PRKCB: variants seen among roughly 807,000 people sequenced by gnomAD.
PRKCB encodes the protein protein kinase C beta type.
Under a neutral mutation model 81.5 loss-of-function variants are expected in PRKCB, and 13 were observed. That is an observed-to-expected ratio of 0.16 (90% CI 0.10 to 0.25). The LOEUF (loss-of-function observed/expected upper bound fraction) is 0.25, where lower values mean the gene tolerates loss of function less well. Ranked by LOEUF, PRKCB falls within the 10% of genes least tolerant of loss-of-function variation. PRKCB has a pLI of 1.00. For synonymous variants in PRKCB, 335 were observed against 321.4 expected (o/e 1.04, Z -0.45); for missense variants, 509 against 875.7 (o/e 0.58, Z 5.29).
Position 24,170,205 on chromosome 16 carries a change from T to A in PRKCB, c.1240-2065T>A, listed in dbSNP as rs147159635. 2.0e-4 allele frequency among the ~76,000 whole-genome samples: 31 copies of A among 152,304 alleles called. No individual in the cohort carries two copies. In the East Asian group the frequency reaches 5.2e-3, roughly 26 times the overall value. On this transcript the variant is annotated intron_variant, in intron 10 of 16. Transcript: ENST00000643927. ...GTTGGTTTTGTTCACTGCTCTATCC[T>A]CAGCACCCATCTATAACCTGGTACC...
At chr16:23,987,682 C>A (rs1047177018) in intron 2 of PRKCB, among the ~76,000 whole-genome samples, 2 of 152,082 alleles carry the variant, frequency 1.3e-5, no homozygotes, top group African/African-American at 2.4e-5. Flanking sequence ...ACTAAGCATG[C>A]ACTTTAGAAA....
intron 3 of PRKCB, among the ~76,000 whole-genome samples, chr16:24,009,602 T>A (rs533786769): frequency 3.1e-4 from 47 of 150,968 alleles, no homozygotes; most frequent in South Asian, 1.1e-3. Flanking sequence ...TTTTTTTTTT[T>A]AAAAAAGACA....
At chr16:23,895,570 T>C (rs756467019) in intron 2 of PRKCB, among the ~76,000 whole-genome samples, 4 of 152,226 alleles carry the variant, frequency 2.6e-5, no homozygotes, top group Admixed American at 6.5e-5. Flanking sequence ...AATTTTGTTT[T>C]GTACATTTCT....
intron 5 of PRKCB, among the ~76,000 whole-genome samples, chr16:24,049,077 T>TTTTTTTTCTC (rs1965804896): frequency 9.0e-6 from 1 of 111,088 alleles, no homozygotes; most frequent in Non-Finnish European, 1.9e-5. Context: ...TTTTTTTTTT[T>TTTTTTTTCTC]GCAGAAAGAC....
intron 7 of PRKCB, among the ~76,000 whole-genome samples, chr16:24,112,056 C>T (rs558420362): frequency 2.0e-5 from 3 of 152,258 alleles, no homozygotes; most frequent in African/African-American, 7.2e-5. Context: ...AGGGCTTGTG[C>T]GCTTAACCAC....
intron 7 of PRKCB, among the ~76,000 whole-genome samples, chr16:24,106,863 A>G (rs1966584830): frequency 6.6e-6 from 1 of 152,170 alleles, no homozygotes; most frequent in South Asian, 2.1e-4. Context: ...GACTTGTAAG[A>G]ACTTTTTATA....
At chr16:24,098,718 C>A (rs961286852) in intron 7 of PRKCB, 4 of 152,336 alleles carry the variant, frequency 2.6e-5, no homozygotes, top group South Asian at 4.1e-4. Context: ...CCACGGCACT[C>A]CAGCCTGGGC....
chr16:23,924,992 G>A (rs1963876731), intron 2 of PRKCB, among the ~76,000 whole-genome samples: 1 of 151,968 alleles, frequency 6.6e-6, no homozygotes, highest in Non-Finnish European at 1.5e-5. Context: ...TTACGGACTG[G>A]GACCAAGTGG....
chr16:23,928,073 G>A (rs895855981), intron 2 of PRKCB, among the ~76,000 whole-genome samples: 1 of 151,974 alleles, frequency 6.6e-6, no homozygotes, highest in Non-Finnish European at 1.5e-5. Context: ...AAATACTCTT[G>A]AAATATATAG....
intron 2 of PRKCB, among the ~76,000 whole-genome samples, chr16:23,847,109 T>C: frequency 6.6e-6 from 1 of 152,140 alleles, no homozygotes; most frequent in Non-Finnish European, 1.5e-5. Flanking sequence ...TGCAACACCA[T>C]TAGTTCAACC....
At chr16:24,114,464 G>C (rs956791537) in intron 8 of PRKCB, among the ~76,000 whole-genome samples, 3 of 151,218 alleles carry the variant, frequency 2.0e-5, no homozygotes, top group Non-Finnish European at 3.0e-5. Flanking sequence ...TTTATCAAAT[G>C]GAAAGCCCTT....
At chr16:24,124,675 T>C (rs989536420) in intron 9 of PRKCB, among the ~76,000 whole-genome samples, 9 of 152,304 alleles carry the variant, frequency 5.9e-5, no homozygotes, top group Admixed American at 2.0e-4. Flanking sequence ...TTCTGACTCA[T>C]TTAGTGTTGT....
chr16:23,871,545 C>G (rs1962904017), intron 2 of PRKCB, among the ~76,000 whole-genome samples: 1 of 152,106 alleles, frequency 6.6e-6, no homozygotes, highest in Non-Finnish European at 1.5e-5. Context: ...ACTACCCTTC[C>G]AGCATTCTCT....
intron 2 of PRKCB, among the ~76,000 whole-genome samples, chr16:23,895,748 T>C (rs1963368543): frequency 1.3e-5 from 2 of 152,238 alleles, no homozygotes; most frequent in South Asian, 4.1e-4. Context: ...TTATTTTTAA[T>C]ACTTAAATTA....
At chr16:24,106,926 C>T (rs1966585856) in intron 7 of PRKCB, among the ~76,000 whole-genome samples, 2 of 151,012 alleles carry the variant, frequency 1.3e-5, no homozygotes, top group Non-Finnish European at 3.0e-5. Flanking sequence ...CAACGTTCCT[C>T]CTCCTCCTTT....
intron 9 of PRKCB, among the ~76,000 whole-genome samples, chr16:24,146,110 G>A (rs915476849): frequency 1.4e-4 from 22 of 152,162 alleles, no homozygotes; most frequent in African/African-American, 5.1e-4. Flanking sequence ...AAGCCAGGGA[G>A]TGCCAACGGT....
intron 13 of PRKCB, among the ~76,000 whole-genome samples, chr16:24,183,350 A>G (rs1313849431): frequency 2.0e-5 from 3 of 152,210 alleles, no homozygotes; most frequent in East Asian, 1.9e-4. Flanking sequence ...TGGTAAAAAC[A>G]CTTAAAAATC....
chr16:24,049,085 G>C (rs1427073943), intron 5 of PRKCB, among the ~76,000 whole-genome samples: 2 of 70,896 alleles, frequency 2.8e-5, no homozygotes, highest in African/African-American at 1.2e-4. Context: ...TTTGCAGAAA[G>C]ACAGATTTCA....
chr16:24,024,038 C>T (rs563342830), intron 3 of PRKCB, among the ~76,000 whole-genome samples: 3 of 152,186 alleles, frequency 2.0e-5, no homozygotes, highest in Non-Finnish European at 4.4e-5. Context: ...AATTGGAAGG[C>T]AGGATGCCAG....
Sources: allele counts gnomAD v4.1 joint callset (sites outside exome capture counted in the v4.1 genomes callset), GRCh38; gene constraint gnomAD v4.1.1; transcripts MANE v1.5; gene names NCBI Gene and HGNC (gene_info 2026-07-23, HGNC 2026-07-21).